Variants in MSR1 observed in about 807,000 individuals in gnomAD.
The protein encoded by MSR1 is macrophage scavenger receptor 1.
A neutral mutation model predicts 47.2 loss-of-function variants in MSR1; 53 were observed. The observed-to-expected ratio is 1.12, with a 90% CI of 0.90 to 1.41. The LOEUF (loss-of-function observed/expected upper bound fraction) is 1.41, where lower values mean the gene tolerates loss of function less well. Among genes scored for constraint, MSR1 ranks in the 40% most tolerant of loss-of-function variants. The probability of loss-of-function intolerance (pLI) is 0.00; values close to 1 mark genes in which losing one functional copy is unlikely to be tolerated. For synonymous variants in MSR1, 239 were observed against 185.6 expected, an observed-to-expected ratio of 1.29 and a Z score of -2.34; for missense variants, 786 against 546.9, an observed-to-expected ratio of 1.44 and a Z score of -4.36.
chr8:16,163,213 A>T (rs1385989775), intron 5 of MSR1, among the ~76,000 whole-genome samples: 1 of 152,068 alleles, frequency 6.6e-6, no homozygotes, highest in Non-Finnish European at 1.5e-5. Flanking sequence ...AATACAGCAA[A>T]GCAAAAGAAA....
chr8:16,150,894 C>T (rs1256667714), intron 6 of MSR1, among the ~76,000 whole-genome samples: 1 of 140,162 alleles, frequency 7.1e-6, no homozygotes, highest in Non-Finnish European at 1.5e-5. Context: ...ACATGCGATA[C>T]ACAGATTTAC....
At chr8:16,124,965 T>A (rs1355119099) in intron 8 of MSR1, among the ~76,000 whole-genome samples, 1 of 152,172 alleles carries the variant, frequency 6.6e-6, no homozygotes, top group Admixed American at 6.5e-5. Context: ...AGAATATAGT[T>A]TCTATGAGTA....
chr8:16,170,419 C>G (rs1365677745), intron 3 of MSR1, among the ~76,000 whole-genome samples: 2 of 151,802 alleles, frequency 1.3e-5, no homozygotes, highest in African/African-American at 4.8e-5. Flanking sequence ...TATCACTATT[C>G]AGTCATGGCT....
intron 5 of MSR1, among the ~76,000 whole-genome samples, chr8:16,160,374 A>T (rs755790654): frequency 1.3e-5 from 2 of 152,076 alleles, no homozygotes; most frequent in Non-Finnish European, 2.9e-5. Flanking sequence ...ATAGAGTGTA[A>T]CTTGCTAAGA....
rs79741840 is a variant in MSR1 at position 16,125,679 on chromosome 8, C to T, written c.1034-5073G>A. 5.3e-4 allele frequency among the ~76,000 whole-genome samples: 81 copies of T among 152,202 alleles called. 1 individual carries two copies. The East Asian group carries it at 0.011, about 21-fold the overall frequency. On this transcript the variant is annotated intron_variant, in intron 8 of 9. Transcript: ENST00000262101. ...AACATGAACGGAAGGAAACAAACTC[C>T]AGGATAAAGGTTTACCCTGGAAAGG...
intron 1 of MSR1, among the ~76,000 whole-genome samples, chr8:16,188,743 T>C (rs969726667): frequency 1.3e-5 from 2 of 151,988 alleles, no homozygotes; most frequent in Non-Finnish European, 2.9e-5. Flanking sequence ...CTGTCACTTA[T>C]GAGTGAGAAC....
intron 8 of MSR1, among the ~76,000 whole-genome samples, chr8:16,127,031 T>C (rs1800144932): frequency 6.6e-6 from 1 of 152,156 alleles, no homozygotes; most frequent in Non-Finnish European, 1.5e-5. Context: ...CTATTATTTC[T>C]TAAAAATTCA....
intron 1 of MSR1, among the ~76,000 whole-genome samples, chr8:16,182,783 C>T (rs776464663): frequency 5.3e-5 from 8 of 152,198 alleles, no homozygotes; most frequent in Non-Finnish European, 1.0e-4. Flanking sequence ...AAAGGACATA[C>T]CTGAGGCTGC....
At chr8:16,138,380 G>A (rs143285471) in intron 8 of MSR1, among the ~76,000 whole-genome samples, 4 of 152,164 alleles carry the variant, frequency 2.6e-5, no homozygotes, top group Non-Finnish European at 4.4e-5. Flanking sequence ...TAGCGTTAGA[G>A]CTTAGTGAAG....
At chr8:16,113,320 C>A (rs1051214196) in intron 9 of MSR1, among the ~76,000 whole-genome samples, 4 of 152,002 alleles carry the variant, frequency 2.6e-5, no homozygotes, top group Non-Finnish European at 5.9e-5. Flanking sequence ...TTTAATCTTA[C>A]CAGCATTTCC....
intron 1 of MSR1, among the ~76,000 whole-genome samples, chr8:16,180,135 T>C (rs543922799): frequency 6.6e-5 from 10 of 151,720 alleles, no homozygotes; most frequent in African/African-American, 2.4e-4. Flanking sequence ...TCTCCCTCTC[T>C]CCTCTCTCTC....
Position 16,146,273 on chromosome 8 carries a change from C to T in MSR1, c.980-2662G>A, listed in dbSNP as rs928316782. The stretch of plus-strand genomic sequence containing the variant: ...ACCTTATAACCACTCATTAACCTTA[C>T]ACTATCTTTTTTGCTTTGCTTTCCT... On this transcript the variant is annotated intron_variant, in intron 7 of 9. Coordinates refer to ENST00000262101, the MANE Select transcript of MSR1 (RefSeq NM_138715.3). 3.9e-5 allele frequency among the ~76,000 whole-genome samples: 6 copies of T among 152,006 alleles called. No homozygotes were observed. In the South Asian group the frequency reaches 6.2e-4, roughly 16 times the overall value.
intron 8 of MSR1, among the ~76,000 whole-genome samples, chr8:16,136,718 T>G (rs1755977788): frequency 6.6e-6 from 1 of 152,140 alleles, no homozygotes; most frequent in Non-Finnish European, 1.5e-5. Flanking sequence ...TTCTCCTGCC[T>G]CAGCCTCTCA....
At chr8:16,153,139 A>G (rs1800906573) in intron 6 of MSR1, among the ~76,000 whole-genome samples, 1 of 152,012 alleles carries the variant, frequency 6.6e-6, no homozygotes, top group African/African-American at 2.4e-5. Context: ...GGTGAGTTTG[A>G]CTTGGTCAAG....
intron 8 of MSR1, among the ~76,000 whole-genome samples, chr8:16,132,513 A>G (rs1331141520): frequency 6.6e-6 from 1 of 151,864 alleles, no homozygotes; most frequent in Admixed American, 6.6e-5. Context: ...TTTGAGACAG[A>G]GTCTCACCCT....
At chr8:16,184,233 A>T (rs1408073658) in intron 1 of MSR1, among the ~76,000 whole-genome samples, 1 of 152,064 alleles carries the variant, frequency 6.6e-6, no homozygotes, top group African/African-American at 2.4e-5. Context: ...TTCTTTTCAC[A>T]TAACCTTTTC....
intron 7 of MSR1, among the ~76,000 whole-genome samples, chr8:16,148,303 C>G (rs768822951): frequency 2.6e-5 from 4 of 152,058 alleles, no homozygotes; most frequent in Non-Finnish European, 5.9e-5. Flanking sequence ...CACAGTGACC[C>G]CTCATCAAGT....
intron 8 of MSR1, among the ~76,000 whole-genome samples, chr8:16,126,979 G>A (rs935336732): frequency 6.6e-6 from 1 of 152,006 alleles, no homozygotes; most frequent in Non-Finnish European, 1.5e-5. Flanking sequence ...CAGAGTGTCT[G>A]GTACAGAGGG....
intron 2 of MSR1, among the ~76,000 whole-genome samples, chr8:16,177,681 G>C (rs1801689836): frequency 6.6e-6 from 1 of 152,014 alleles, no homozygotes; most frequent in African/African-American, 2.4e-5. Context: ...CTCAATCAAT[G>C]TTGTAGATTA....
Sources: gnomAD v4.1 joint callset for allele counts (sites outside exome capture counted in the v4.1 genomes callset) on GRCh38, gnomAD v4.1.1 for gene constraint, MANE v1.5 for transcripts, NCBI Gene and HGNC (gene_info 2026-07-23, HGNC 2026-07-21) for gene names.